The following DMXL2 variants were observed in gnomAD, a reference collection of about 807,000 sequenced individuals.
The protein encoded by DMXL2 is dmX-like protein 2.
Under a neutral mutation model 331.1 loss-of-function variants are expected in DMXL2, and 103 were observed. The ratio of observed to expected loss-of-function variants is 0.31; its 90% confidence interval spans 0.27 to 0.37. DMXL2 has a LOEUF of 0.37. Ranked by LOEUF, DMXL2 falls within the 10% of genes least tolerant of loss-of-function variation. The pLI is 1.00. For missense variants in DMXL2, 3,171 were observed against 3,642.9 expected, an observed-to-expected ratio of 0.87 and a Z score of 3.33; for synonymous variants, 1,281 against 1,252.1, an observed-to-expected ratio of 1.02 and a Z score of -0.49.
At chr15:51,532,517 AC>A (rs1449433690) in intron 13 of DMXL2, among the ~76,000 whole-genome samples, 1 of 152,204 alleles carries the variant, frequency 6.6e-6, no homozygotes, top group African/African-American at 2.4e-5. Flanking sequence ...TTTAAAAATA[AC>A]TAGAAGAGTG....
intron 16 of DMXL2, among the ~76,000 whole-genome samples, chr15:51,506,283 G>A (rs1044464694): frequency 4.0e-5 from 6 of 151,846 alleles, no homozygotes; most frequent in African/African-American, 9.7e-5. Context: ...GGCTGATCTC[G>A]AATTCCTGTG....
At chr15:51,476,219 T>G (rs1286223578) in intron 27 of DMXL2, among the ~76,000 whole-genome samples, 2 of 152,066 alleles carry the variant, frequency 1.3e-5, no homozygotes, top group East Asian at 1.9e-4. Context: ...ATACATAAAT[T>G]TACACGCCCG....
In DMXL2 at chr15:51,596,909, C is replaced by T. The variant is rs372362979; in HGVS notation, c.88-20728G>A. On this transcript the variant is annotated intron_variant, in intron 1 of 43. Coordinates refer to ENST00000560891, the MANE Select transcript of DMXL2 (RefSeq NM_001378457.1). ...ACACAGGAAGGGGAACATCACACAC[C>T]GGGGCCTGTTGTGAGGTGGGAGGAG... 4.6e-5 allele frequency among the ~76,000 whole-genome samples: 7 copies of T among 152,014 alleles called. No individual in the cohort carries two copies. In the East Asian group the frequency reaches 7.7e-4, roughly 17 times the overall value.
chr15:51,462,091 A>G (rs77194015), intron 33 of DMXL2, among the ~76,000 whole-genome samples: 4,760 of 152,206 alleles, frequency 0.031, 220 homozygotes, highest in African/African-American at 0.11. Flanking sequence ...TTAAGTATAT[A>G]ATTTTTAAAT....
chr15:51,508,610 A>C (rs1444970524), intron 15 of DMXL2, among the ~76,000 whole-genome samples: 1 of 152,200 alleles, frequency 6.6e-6, no homozygotes, highest in Non-Finnish European at 1.5e-5. Flanking sequence ...TAGTTCATTA[A>C]AGAGTTTTCT....
intron 6 of DMXL2, among the ~76,000 whole-genome samples, chr15:51,553,198 G>T (rs1401565665): frequency 6.6e-6 from 1 of 152,050 alleles, no homozygotes; most frequent in East Asian, 1.9e-4. Context: ...AGTCCTATAA[G>T]AACAAAAGCC....
chr15:51,465,907 A>C (rs1459362835), intron 30 of DMXL2, among the ~76,000 whole-genome samples: 1 of 152,202 alleles, frequency 6.6e-6, no homozygotes. Flanking sequence ...GTATACCAAT[A>C]ATTTATATAT....
At chr15:51,498,199 C>T (rs1019403454) in intron 18 of DMXL2, among the ~76,000 whole-genome samples, 2 of 152,082 alleles carry the variant, frequency 1.3e-5, no homozygotes, top group African/African-American at 4.8e-5. Flanking sequence ...ATGACTGCAC[C>T]GCTCAACTCC....
rs1419186984 is a variant in DMXL2 at position 51,447,948 on chromosome 15, T to C, written c.*1036A>G. 1 of 152,652 alleles carries C rather than the reference T, an allele frequency of 6.6e-6. No individual in the cohort carries two copies. The highest frequency in any genetic ancestry group is 1.9e-4 in the East Asian group (1 of 5,200). The allele number at this position is 152,652 out of a possible 1,614,324, so 9.5% of individuals were successfully genotyped here. ...GATAAGACAATTTGCTGGTAAACAT[T>C]TAAACACACAGACATTAGTTTCAGT... On this transcript the variant is annotated 3_prime_UTR_variant, in exon 44 of 44. Transcript: ENST00000560891.
At chr15:51,587,502 C>G (rs1273684444) in intron 1 of DMXL2, among the ~76,000 whole-genome samples, 1 of 152,208 alleles carries the variant, frequency 6.6e-6, no homozygotes, top group Non-Finnish European at 1.5e-5. Context: ...ATGAACTCAT[C>G]ATTTTTTATG....
At chr15:51,458,684 T>C (rs2039863053) in intron 35 of DMXL2, 25 bp downstream of exon 35, 2 of 1,613,726 alleles carry the variant, frequency 1.2e-6, no homozygotes, top group Non-Finnish European at 1.7e-6. Flanking sequence ...AGAAATACAC[T>C]GTGTATAATG....
Position 51,499,706 on chromosome 15 carries a change from C to G in DMXL2, c.3518G>C (p.Trp1173Ser), listed in dbSNP as rs1174166130. 2 of 1,613,886 alleles carry G rather than the reference C, an allele frequency of 1.2e-6. No individual in the cohort carries two copies. Among genetic ancestry groups the G allele is most frequent in the Non-Finnish European group, 1.7e-6 (2 of 1,179,980 alleles). ...PNIKHLVHLD[W>S]VSKEDGSHIL... Reference sequence around the variant, plus strand: ...GTGGGAGCCATCTTCTTTTGATACCCAGTCCAAATGTACTAAATGTTTGAT... The same window carrying G: ...GTGGGAGCCATCTTCTTTTGATACCGAGTCCAAATGTACTAAATGTTTGAT... The change falls in exon 18 of 44, where the codon TGG becomes TCG. Residue 1173 changes from tryptophan to serine, a missense_variant. Physicochemically the swap from Trp to Ser is radical, Grantham distance 177. Coordinates refer to ENST00000560891, the MANE Select transcript of DMXL2 (RefSeq NM_001378457.1).
chr15:51,541,572 T>C (rs1157635255), intron 9 of DMXL2, among the ~76,000 whole-genome samples: 1 of 152,092 alleles, frequency 6.6e-6, no homozygotes, highest in Non-Finnish European at 1.5e-5. Context: ...CTTTTAGAAT[T>C]CTATTTACTA....
Position 51,450,296 on chromosome 15 carries a change from G to C in DMXL2, c.8800C>G (p.Gln2934Glu). Residue 2934 changes from glutamine (Q) to glutamate (E), a missense_variant, in exon 43 of 44, where the codon CAG becomes GAG. Physicochemically the swap from Gln to Glu is conservative, Grantham distance 29. Transcript: ENST00000560891. ...GATVLQYAPKQQLLISGGRKG... is the reference protein window; with the variant it reads ...GATVLQYAPKEQLLISGGRKG... ...CTACCCCCCGAGATTAGGAGTTGCT[G>C]TTTGGGTGCATACTGCAGTACCGTG... The C allele has an allele frequency of 6.2e-7, 1 of 1,614,018 alleles. No homozygotes were observed. The highest frequency in any genetic ancestry group is 2.2e-5 in the East Asian group (1 of 44,874).
chr15:51,572,338 C>T (rs894722238), intron 2 of DMXL2, among the ~76,000 whole-genome samples: 1 of 149,912 alleles, frequency 6.7e-6, no homozygotes, highest in Admixed American at 6.7e-5. Flanking sequence ...GGATTCACAG[C>T]TGAATTCTAC....
At chr15:51,471,451 T>TAA in intron 28 of DMXL2, 50 bp from the exon 29 acceptor site, 2 of 1,515,880 alleles carry the variant, frequency 1.3e-6, no homozygotes, top group Non-Finnish European at 1.8e-6. Flanking sequence ...TTTCCATTGT[T>TAA]AATTGATAGA....
chr15:51,536,216 G>A lies in DMXL2; in HGVS notation c.2264C>T (p.Ala755Val), dbSNP rs777521242. Residue 755 changes from alanine to valine, a missense_variant, in exon 12 of 44, where the codon GCG becomes GTG. By Grantham distance (64) the Ala-to-Val change is moderately conservative. This residue lies in a region of DMXL2 where 1,674 missense variants were observed against 1,780.2 expected (regional missense o/e 0.94). Coordinates refer to ENST00000560891, the MANE Select transcript of DMXL2 (RefSeq NM_001378457.1). ...TGGAAGCCAAGCCACATTAGAGAAC[G>A]CTGAGGTATGTAAAGAGTTAATTCG... is the stretch of plus-strand genomic sequence containing the variant. ...LARINSLHTS[A>V]FSNVAWLPTL... The A allele has an allele frequency of 5.0e-6, 8 of 1,611,680 alleles. No individual in the cohort carries two copies. The highest frequency in any genetic ancestry group is 1.3e-5 in the African/African-American group (1 of 74,830).
At chr15:51,576,320 T>C in intron 1 of DMXL2, 139 bp from the exon 2 acceptor site, 1 of 605,476 alleles carries the variant, frequency 1.7e-6, no homozygotes, top group Non-Finnish European at 2.6e-6. Context: ...GTTAATATAA[T>C]ATCAATTTCT....
At position 51,499,687 on chromosome 15, in the gene DMXL2, G is replaced by C. The variant is rs751558314; in HGVS notation, c.3537C>G (p.Gly1179=). ...CGACTCCCACTGTAAGAATGTGGGA[G>C]CCATCTTCTTTTGATACCCAGTCCA... The part of the protein sequence containing the change: ...VHLDWVSKED[G]SHILTVGVGA... The change falls in exon 18 of 44, where the codon GGC becomes GGG. Residue 1179 remains glycine, a synonymous_variant. Coordinates refer to ENST00000560891, the MANE Select transcript of DMXL2 (RefSeq NM_001378457.1). 18 of 1,613,902 alleles carry C rather than the reference G, an allele frequency of 1.1e-5. No individual in the cohort carries two copies. The highest frequency in any genetic ancestry group is 4.2e-6 in the Non-Finnish European group (5 of 1,180,000).
Sources: gnomAD v4.1 joint callset for allele counts (sites outside exome capture counted in the v4.1 genomes callset) on GRCh38, gnomAD v4.1.1 for gene constraint, gnomAD v4.1.1 regional missense constraint, MANE v1.5 for transcripts, NCBI Gene and HGNC (gene_info 2026-07-23, HGNC 2026-07-21) for gene names.